Variants in ZFHX3 observed in about 807,000 individuals in gnomAD.
The protein encoded by ZFHX3 is zinc finger homeobox protein 3.
In ZFHX3, 42 loss-of-function variants were observed where a neutral mutation model predicts 279.1. That is an observed-to-expected ratio of 0.15 (90% CI 0.12 to 0.19). The LOEUF (loss-of-function observed/expected upper bound fraction) is 0.19. Ranked by LOEUF, ZFHX3 falls within the 10% of genes least tolerant of loss-of-function variation. The probability of loss-of-function intolerance (pLI) is 1.00; values close to 1 mark genes in which losing one functional copy is unlikely to be tolerated. For missense variants in ZFHX3, 4,981 were observed against 4,754.0 expected (o/e 1.05, Z -1.40); for synonymous variants, 2,293 against 1,957.8 (o/e 1.17, Z -4.52).
At chr16:73,012,730 G>A (rs571414193) in intron 1 of ZFHX3, among the ~76,000 whole-genome samples, 6 of 152,220 alleles carry the variant, frequency 3.9e-5, no homozygotes, top group East Asian at 3.9e-4. Flanking sequence ...ATCCTGGCAC[G>A]AATGATATAA....
intron 5 of ZFHX3, among the ~76,000 whole-genome samples, chr16:73,206,356 G>A (rs1331981981): frequency 6.6e-6 from 1 of 152,172 alleles, no homozygotes; most frequent in African/African-American, 2.4e-5. Context: ...TACTGGGGAG[G>A]CATGGGAGAT....
intron 1 of ZFHX3, among the ~76,000 whole-genome samples, chr16:73,873,339 G>A (rs1171561492): frequency 6.6e-6 from 1 of 151,654 alleles, no homozygotes; most frequent in South Asian, 2.1e-4. Context: ...GACCAAATTA[G>A]CCAAGTGTGC....
At chr16:73,869,091 TA>T (rs1962101822) in intron 1 of ZFHX3, among the ~76,000 whole-genome samples, 1 of 152,144 alleles carries the variant, frequency 6.6e-6, no homozygotes, top group African/African-American at 2.4e-5. Flanking sequence ...TATGTCACAT[TA>T]ACCTCCCCAG....
intron 2 of ZFHX3, chr16:73,610,199 T>C (rs538248905): frequency 1.1e-4 from 16 of 139,832 alleles, no homozygotes; most frequent in African/African-American, 4.6e-4. Context: ...GCGTTTACTT[T>C]AGAGGAAAAA....
At position 72,894,506 on chromosome 16, in the gene ZFHX3, C is replaced by T. The variant is rs2038848784; in HGVS notation, c.3217-4544G>A. Among the ~76,000 whole-genome samples, 8 of 152,130 alleles carry T rather than the reference C, an allele frequency of 5.3e-5. No homozygotes were observed. In the South Asian group the frequency reaches 1.7e-3, roughly 32 times the overall value. ...CCCAGAATCCCACCCTTGGAACCTGCCTAATAAAAAGCAGTGGTAGGGAGT... is the reference window on the plus strand; with the variant it reads ...CCCAGAATCCCACCCTTGGAACCTGTCTAATAAAAAGCAGTGGTAGGGAGT... On this transcript the variant is annotated intron_variant, in intron 3 of 9. Coordinates refer to ENST00000268489, the MANE Select transcript of ZFHX3 (RefSeq NM_006885.4).
At chr16:73,144,385 A>AAGTCT (rs1390316284) in intron 5 of ZFHX3, 1 of 152,256 alleles carries the variant, frequency 6.6e-6, no homozygotes, top group African/African-American at 2.4e-5. Context: ...CCTATCCATC[A>AAGTCT]AGTCTAAGGA....
chr16:73,731,464 G>T (rs1201636057), intron 1 of ZFHX3, among the ~76,000 whole-genome samples: 2 of 148,836 alleles, frequency 1.3e-5, no homozygotes, highest in Non-Finnish European at 1.5e-5. Flanking sequence ...CATAAAAAGG[G>T]TGTTTTTTTT....
chr16:73,563,923 G>T (rs1283839261), intron 2 of ZFHX3, among the ~76,000 whole-genome samples: 1 of 152,154 alleles, frequency 6.6e-6, no homozygotes, highest in Non-Finnish European at 1.5e-5. Flanking sequence ...GATGAAGACT[G>T]CTAGATCAAC....
intron 4 of ZFHX3, among the ~76,000 whole-genome samples, chr16:73,313,414 C>T (rs754977368): frequency 1.5e-4 from 23 of 152,140 alleles, no homozygotes; most frequent in Non-Finnish European, 2.4e-4. Context: ...TGTAAACGCT[C>T]GTATAGTATG....
chr16:73,311,938 T>C (rs1379745266), intron 4 of ZFHX3, among the ~76,000 whole-genome samples: 1 of 152,120 alleles, frequency 6.6e-6, no homozygotes, highest in African/African-American at 2.4e-5. Flanking sequence ...AGAGAACTGA[T>C]GAGGTTGCTG....
intron 5 of ZFHX3, among the ~76,000 whole-genome samples, chr16:72,823,111 G>A (rs1387167440): frequency 2.0e-5 from 3 of 152,160 alleles, no homozygotes; most frequent in African/African-American, 4.8e-5. Flanking sequence ...TGAGAGAAGG[G>A]GGCACAAGCT....
At chr16:73,295,249 C>A (rs770536581) in intron 4 of ZFHX3, among the ~76,000 whole-genome samples, 7 of 152,162 alleles carry the variant, frequency 4.6e-5, no homozygotes, top group Non-Finnish European at 5.9e-5. Context: ...CACAGCCACG[C>A]TCTTCCTGAA....
At chr16:73,589,991 ACT>A (rs900981097) in intron 2 of ZFHX3, among the ~76,000 whole-genome samples, 1 of 152,118 alleles carries the variant, frequency 6.6e-6, no homozygotes, top group African/African-American at 2.4e-5. Context: ...TAAAAAATTC[ACT>A]GTTTTCAGTA....
Position 73,473,198 on chromosome 16 carries a change from G to A in ZFHX3, c.-1546-16940C>T, listed in dbSNP as rs539023739. 1.4e-4 allele frequency among the ~76,000 whole-genome samples: 21 copies of A among 151,724 alleles called. 1 individual carries two copies. In the East Asian group the frequency reaches 1.8e-3, roughly 13 times the overall value. On this transcript the variant is annotated intron_variant, in intron 2 of 17. Coordinates refer to the ZFHX3 transcript ENST00000641206. ...TCTACAAAAAATACAAAAATTAGGC[G>A]TGATGGTGTGTGTCTGTGGTTCCAG...
At chr16:73,159,319 C>T (rs1283917012) in intron 5 of ZFHX3, among the ~76,000 whole-genome samples, 4 of 152,122 alleles carry the variant, frequency 2.6e-5, no homozygotes, top group Non-Finnish European at 1.5e-5. Flanking sequence ...CATTTTTCTC[C>T]CCTTTTTATC....
chr16:73,533,806 C>G (rs1267954154), intron 2 of ZFHX3, among the ~76,000 whole-genome samples: 8 of 152,190 alleles, frequency 5.3e-5, no homozygotes, highest in Non-Finnish European at 2.9e-5. Context: ...CAGCCTTCTT[C>G]TAACCCATCA....
At chr16:73,014,057 A>T (rs1964009673) in intron 1 of ZFHX3, among the ~76,000 whole-genome samples, 1 of 152,186 alleles carries the variant, frequency 6.6e-6, no homozygotes, top group African/African-American at 2.4e-5. Flanking sequence ...AACAGGGGCA[A>T]AGGAGAGGAC....
chr16:72,853,772 T>G (rs897233076), intron 4 of ZFHX3, among the ~76,000 whole-genome samples: 5 of 152,040 alleles, frequency 3.3e-5, no homozygotes, highest in Non-Finnish European at 1.5e-5. Flanking sequence ...ACAGAATTTT[T>G]TTTTTAAAAG....
intron 1 of ZFHX3, among the ~76,000 whole-genome samples, chr16:73,732,546 G>A (rs2053577639): frequency 6.6e-6 from 1 of 152,214 alleles, no homozygotes; most frequent in East Asian, 1.9e-4. Flanking sequence ...AGTATTATTA[G>A]TCATAGTTAC....
Sources: gnomAD v4.1 joint callset for allele counts (sites outside exome capture counted in the v4.1 genomes callset) on GRCh38, gnomAD v4.1.1 for gene constraint, MANE v1.5 for transcripts, NCBI Gene and HGNC (gene_info 2026-07-23, HGNC 2026-07-21) for gene names.